SPG11: variants seen among roughly 807,000 people sequenced by gnomAD.
SPG11 encodes the protein SPG11 vesicle trafficking associated, spatacsin.
In SPG11, 222 loss-of-function variants were observed where a neutral mutation model predicts 274.0. That is an observed-to-expected ratio of 0.81 (90% confidence interval 0.73 to 0.91). The LOEUF is 0.91. Ranked by LOEUF, SPG11 falls within the 40% of genes least tolerant of loss-of-function variation. The probability of loss-of-function intolerance (pLI) is 0.00; values close to 1 mark genes in which losing one functional copy is unlikely to be tolerated. For synonymous variants in SPG11, 1,144 were observed against 1,039.7 expected, an observed-to-expected ratio of 1.10 and a Z score of -1.93; for missense variants, 3,114 against 2,872.7, an observed-to-expected ratio of 1.08 and a Z score of -1.92.
intron 20 of SPG11, among the ~76,000 whole-genome samples, chr15:44,601,203 G>A (rs768362584): frequency 2.6e-5 from 4 of 151,272 alleles, no homozygotes; most frequent in African/African-American, 7.4e-5. Context: ...CACTAGCTGC[G>A]TGACCTTGAG....
At chr15:44,649,805 G>A (rs780002670) in intron 6 of SPG11, among the ~76,000 whole-genome samples, 10 of 151,338 alleles carry the variant, frequency 6.6e-5, no homozygotes, top group Non-Finnish European at 1.3e-4. Context: ...TGAGGCAGGA[G>A]AATCACTTGA....
intron 30 of SPG11, among the ~76,000 whole-genome samples, chr15:44,582,855 C>T (rs10162700): frequency 0.041 from 6,170 of 151,956 alleles, 317 homozygotes; most frequent in East Asian, 0.19. Context: ...AAACCAGGAA[C>T]AGAAGGGAAC....
chr15:44,622,441 A>C lies in SPG11; in HGVS notation c.2317-94T>G. 5.7e-6 allele frequency: 6 copies of C among 1,054,688 alleles called. 1 individual carries two copies. The East Asian group carries it at 1.5e-4, about 26-fold the overall frequency. The allele number at this position is 1,054,688 out of a possible 1,614,324, so 65.3% of individuals were successfully genotyped here. ...GATTATCAAATAAGGTAGTGCTGGG[A>C]ATTAAAGATTATTAAAAAAAGTCAT... On this transcript the variant is annotated intron_variant, in intron 12 of 39. Coordinates refer to ENST00000261866, the MANE Select transcript of SPG11 (RefSeq NM_025137.4).
intron 4 of SPG11, among the ~76,000 whole-genome samples, chr15:44,653,867 A>G (rs920386398): frequency 1.3e-5 from 2 of 152,334 alleles, no homozygotes; most frequent in East Asian, 1.9e-4. Flanking sequence ...GGGTCCACTT[A>G]TATGATTTTT....
rs777026481 is a variant in SPG11 at position 44,629,339 on chromosome 15, T to C, written c.1785A>G (p.Arg595=). The C allele has an allele frequency of 6.2e-7, 1 of 1,614,180 alleles. No homozygotes were observed. Among genetic ancestry groups the C allele is most frequent in the Non-Finnish European group, 8.5e-7 (1 of 1,180,022 alleles). ...TGCTTTGGGGTTCAGAATAACTTTC[T>C]CTAATTGCCGAGCAAAGTAAATCCA... The part of the protein sequence containing the change: ...PALDLLCSAI[R]ESYSEPQSKH... The change falls in exon 9 of 40, where the codon AGA becomes AGG. Residue 595 remains arginine, a synonymous_variant. Coordinates refer to ENST00000261866, the MANE Select transcript of SPG11 (RefSeq NM_025137.4).
rs138766339 is a variant in SPG11, at chr15:44,567,184, TATTAAAA to T, written c.6754+233_6754+239del. 0.019 allele frequency among the ~76,000 whole-genome samples: 2,962 copies of T among 152,078 alleles called. 104 individuals are homozygous for T. The highest frequency in any genetic ancestry group is 0.068 in the African/African-American group (2,808 of 41,508). The stretch of plus-strand genomic sequence containing the variant: ...GGCCAACATAGTCAAACCCCATCTC[TATTAAAA>T]ATACAAAAAATTAGCCGGGTGTGGT... On this transcript the variant is annotated intron_variant, in intron 36 of 39. Transcript: ENST00000261866.
intron 24 of SPG11, 137 bp downstream of exon 24, chr15:44,596,647 T>C: frequency 1.3e-6 from 1 of 775,094 alleles, no homozygotes; most frequent in Non-Finnish European, 1.9e-6. Context: ...ATGTATCCAG[T>C]ACGTATCCTG....
chr15:44,662,272 A>C (rs2085133308), intron 1 of SPG11, among the ~76,000 whole-genome samples: 1 of 151,518 alleles, frequency 6.6e-6, no homozygotes, highest in Non-Finnish European at 1.5e-5. Flanking sequence ...TGAATCTCTA[A>C]ATGTCAGGAG....
intron 20 of SPG11, among the ~76,000 whole-genome samples, chr15:44,605,672 G>A (rs2083299436): frequency 9.2e-5 from 14 of 152,168 alleles, no homozygotes; most frequent in Admixed American, 9.2e-4. Context: ...CATGACCAAG[G>A]TCATACAGGT....
At chr15:44,611,697 A>G (rs1480228555) in intron 17 of SPG11, among the ~76,000 whole-genome samples, 1 of 152,218 alleles carries the variant, frequency 6.6e-6, no homozygotes, top group Non-Finnish European at 1.5e-5. Context: ...TATTATTTAT[A>G]ATAGAAAAAA....
intron 8 of SPG11, among the ~76,000 whole-genome samples, chr15:44,632,111 C>T (rs934446475): frequency 3.3e-5 from 5 of 152,062 alleles, no homozygotes; most frequent in African/African-American, 1.2e-4. Context: ...ACCTGGCCTA[C>T]ATTACTTCTT....
intron 27 of SPG11, among the ~76,000 whole-genome samples, chr15:44,590,105 C>G (rs970984275): frequency 6.6e-6 from 1 of 152,140 alleles, no homozygotes; most frequent in Non-Finnish European, 1.5e-5. Context: ...CCGTGCCTGG[C>G]CTAGCAACTT....
At chr15:44,647,285 T>C (rs1442236334) in intron 7 of SPG11, among the ~76,000 whole-genome samples, 1 of 152,120 alleles carries the variant, frequency 6.6e-6, no homozygotes, top group East Asian at 1.9e-4. Context: ...CAATAACAAG[T>C]GTTAAGCTAA....
Position 44,659,142 on chromosome 15 carries a change from T to C in SPG11, c.604A>G (p.Met202Val), listed in dbSNP as rs201875705. 91 of 1,614,258 alleles carry C rather than the reference T, an allele frequency of 5.6e-5. No individual in the cohort carries two copies. Among genetic ancestry groups the C allele is most frequent in the Non-Finnish European group, 7.0e-5 (83 of 1,180,046 alleles). ...TLPLPAQAVD[M>V]IIDTQLCRGI... ...CTGCAGAGCTGCGTGTCAATAATCA[T>C]GTCCACTGCCTGTGCAGGCAAGGGA... Residue 202 changes from methionine to valine, a missense_variant, in exon 3 of 40, where the codon ATG becomes GTG. Met to Val is a conservative substitution (Grantham distance 21). Transcript: ENST00000261866.
At position 44,562,819 on chromosome 15, in the gene SPG11, A is replaced by ATTCT. The variant is rs936982671; in HGVS notation, c.*298_*301dup. On this transcript the variant is annotated 3_prime_UTR_variant, in exon 40 of 40. Transcript: ENST00000261866. ...GAAACTGGAATCTGCAGGTACAGGTATTCTTTAATCATTATTGGATCATCT... is the reference window on the plus strand; with the variant it reads ...GAAACTGGAATCTGCAGGTACAGGTATTCTTTCTTTAATCATTATTGGATCATCT... 2.4e-4 allele frequency: 73 copies of ATTCT among 299,348 alleles called. No individual in the cohort carries two copies. The highest frequency in any genetic ancestry group is 1.5e-3 in the African/African-American group (68 of 46,248). The allele number at this position is 299,348 out of a possible 1,614,324, so 18.5% of individuals were successfully genotyped here. A position where few individuals can be genotyped will look rare whatever the true frequency, so the allele number is the denominator to read the frequency against.
chr15:44,609,800 T>C (rs554925341), intron 18 of SPG11, among the ~76,000 whole-genome samples: 1 of 151,210 alleles, frequency 6.6e-6, no homozygotes, highest in African/African-American at 2.4e-5. Context: ...GGTATGATCT[T>C]GGCTCACTGC....
At position 44,628,773 on chromosome 15, in the gene SPG11, T is replaced by C. The variant is rs1358019412; in HGVS notation, c.1963A>G (p.Ile655Val). Residue 655 changes from isoleucine (I) to valine (V), a missense_variant, in exon 10 of 40, where the codon ATA (isoleucine) becomes GTA (valine). Ile to Val is a conservative substitution (Grantham distance 29, BLOSUM62 3). Transcript: ENST00000261866. ...SYINELRTFM[I>V]KFPWKLTDAI... ...TCTGTTAGCTTCCAAGGAAACTTTA[T>C]CATGAAGGTTCGAAGTTCATTAATG... 2 of 1,613,772 alleles carry C rather than the reference T, an allele frequency of 1.2e-6. No homozygotes were observed. The highest frequency in any genetic ancestry group is 8.5e-7 in the Non-Finnish European group (1 of 1,179,894).
At chr15:44,662,463 C>G (rs1202811419) in intron 1 of SPG11, among the ~76,000 whole-genome samples, 1 of 151,826 alleles carries the variant, frequency 6.6e-6, no homozygotes, top group South Asian at 2.1e-4. Context: ...AGCCCAGGAG[C>G]TTGAGACTAG....
intron 3 of SPG11, among the ~76,000 whole-genome samples, 182 bp downstream of exon 3, chr15:44,658,897 T>C (rs552094100): frequency 2.0e-5 from 3 of 152,348 alleles, no homozygotes; most frequent in African/African-American, 7.2e-5. Context: ...TCAACTAAAA[T>C]ATAAAGCAAT....
Sources: allele counts gnomAD v4.1 joint callset (sites outside exome capture counted in the v4.1 genomes callset), GRCh38; gene constraint gnomAD v4.1.1; transcripts MANE v1.5; gene names NCBI Gene and HGNC (gene_info 2026-07-23, HGNC 2026-07-21).